Variants in CSMD1 observed in about 807,000 individuals in gnomAD.
CSMD1 encodes the protein CUB and Sushi multiple domains 1, also known as CUB and sushi domain-containing protein 1.
CSMD1 carries 213 observed loss-of-function variants against 417.5 expected under a neutral mutation model. The ratio of observed to expected loss-of-function variants is 0.51; its 90% CI spans 0.46 to 0.57. The LOEUF is 0.57. CSMD1 is among the 20% of genes least tolerant of loss of function. CSMD1 has a pLI of 0.00. For synonymous variants in CSMD1, 2,862 were observed against 1,736.8 expected (o/e 1.65, Z -16.11); for missense variants, 6,923 against 4,529.7 (o/e 1.53, Z -15.17).
chr8:3,487,742 G>A (rs1467353955), intron 11 of CSMD1, among the ~76,000 whole-genome samples: 2 of 152,110 alleles, frequency 1.3e-5, no homozygotes, highest in Non-Finnish European at 2.9e-5. Flanking sequence ...AGCTGTGAAT[G>A]TTTTTAAGAG....
chr8:3,367,271 GAGAGAGAGAC>G, intron 19 of CSMD1, 24 bp from the exon 20 acceptor site: 2 of 1,554,286 alleles, frequency 1.3e-6, no homozygotes, highest in Non-Finnish European at 1.8e-6. Context: ...CCGGGGGAGA[GAGAGAGAGAC>G]AGAGAGAGAC....
At chr8:4,772,519 G>C (rs553320340) in intron 1 of CSMD1, among the ~76,000 whole-genome samples, 1 of 152,126 alleles carries the variant, frequency 6.6e-6, no homozygotes, top group African/African-American at 2.4e-5. Context: ...TGGTATTACA[G>C]CATGGATATT....
chr8:3,241,076 C>T (rs550865136), intron 26 of CSMD1, among the ~76,000 whole-genome samples: 4 of 149,964 alleles, frequency 2.7e-5, no homozygotes, highest in Non-Finnish European at 5.9e-5. Flanking sequence ...TGAGGGGATA[C>T]AAGAGGAGGA....
intron 1 of CSMD1, among the ~76,000 whole-genome samples, chr8:4,906,576 CT>C (rs10626735): frequency 4.6e-5 from 7 of 151,058 alleles, no homozygotes; most frequent in East Asian, 1.9e-4. Flanking sequence ...TTTTGAGTTG[CT>C]TTTTTTTCCC....
chr8:3,594,249 T>G (rs1563182802), intron 8 of CSMD1, among the ~76,000 whole-genome samples: 1 of 152,132 alleles, frequency 6.6e-6, no homozygotes, highest in Non-Finnish European at 1.5e-5. Context: ...GAGCTGCTAG[T>G]GTAAGAGATA....
chr8:4,276,853 C>T (rs1231872394), intron 3 of CSMD1, among the ~76,000 whole-genome samples: 1 of 151,996 alleles, frequency 6.6e-6, no homozygotes, highest in Admixed American at 6.6e-5. Context: ...GTTCAATTTC[C>T]TTAATCAGAA....
chr8:4,920,922 AAAAG>A lies in CSMD1; in HGVS notation c.85+73406_85+73409del, dbSNP rs1235816844. The stretch of plus-strand genomic sequence containing the variant: ...AAAAGAAAAGAAAAGAAAAGAAAAG[AAAAG>A]AAAGAGAGAAAGAAAGAAAGAAAGA... On this transcript the variant is annotated intron_variant, in intron 1 of 69. Transcript: ENST00000635120. 9.2e-4 allele frequency among the ~76,000 whole-genome samples: 55 copies of A among 59,488 alleles called. 6 individuals carry two copies. The highest frequency in any genetic ancestry group is 9.0e-4 in the Non-Finnish European group (20 of 22,254). 39.0% of individuals were successfully genotyped at this position (59,488 alleles called of 152,430 possible). A position where few individuals can be genotyped will look rare whatever the true frequency, so the allele number is the denominator to read the frequency against.
At chr8:3,145,170 T>G (rs1021337094) in intron 40 of CSMD1, among the ~76,000 whole-genome samples, 4 of 151,956 alleles carry the variant, frequency 2.6e-5, no homozygotes, top group African/African-American at 4.8e-5. Flanking sequence ...TTAATCCCAA[T>G]CAGGCGGAAT....
intron 1 of CSMD1, among the ~76,000 whole-genome samples, chr8:4,959,435 G>T (rs977943862): frequency 6.6e-6 from 1 of 152,340 alleles, no homozygotes; most frequent in South Asian, 2.1e-4. Context: ...AAAGCAACTA[G>T]TTGGGTAGCC....
chr8:4,922,594 C>A (rs75569472), intron 1 of CSMD1, among the ~76,000 whole-genome samples: 3 of 152,132 alleles, frequency 2.0e-5, no homozygotes, highest in East Asian at 1.9e-4. Context: ...CTATTGATAG[C>A]GCTCATGAGA....
At chr8:3,895,840 G>A (rs900652527) in intron 5 of CSMD1, among the ~76,000 whole-genome samples, 2 of 152,122 alleles carry the variant, frequency 1.3e-5, no homozygotes, top group Admixed American at 1.3e-4. Flanking sequence ...GACCTGGCTT[G>A]TTCCCTTCCA....
chr8:3,947,146 G>T (rs1047347598), intron 5 of CSMD1, among the ~76,000 whole-genome samples: 4 of 152,136 alleles, frequency 2.6e-5, no homozygotes, highest in African/African-American at 7.2e-5. Context: ...CATTAAGTAA[G>T]AAATTAGTTA....
chr8:4,706,086 CAT>C (rs1338676953), intron 1 of CSMD1, among the ~76,000 whole-genome samples: 1 of 150,124 alleles, frequency 6.7e-6, no homozygotes, highest in African/African-American at 2.4e-5. Context: ...AAAATTTTAA[CAT>C]ATAATATATA....
chr8:4,430,168 C>T (rs547762102), intron 2 of CSMD1, among the ~76,000 whole-genome samples: 1 of 152,316 alleles, frequency 6.6e-6, no homozygotes, highest in Admixed American at 6.5e-5. Flanking sequence ...ATCTATCCTA[C>T]GTGTGCTTTC....
chr8:3,789,980 C>T (rs1022546191), intron 5 of CSMD1, among the ~76,000 whole-genome samples: 1 of 152,098 alleles, frequency 6.6e-6, no homozygotes, highest in African/African-American at 2.4e-5. Context: ...ATCCGCCCAC[C>T]TCGGCCTCCC....
At chr8:4,256,667 G>A (rs1803475399) in intron 3 of CSMD1, among the ~76,000 whole-genome samples, 1 of 152,126 alleles carries the variant, frequency 6.6e-6, no homozygotes, top group Admixed American at 6.5e-5. Context: ...TGGCTAATGT[G>A]ACTGCAGGAA....
intron 3 of CSMD1, among the ~76,000 whole-genome samples, chr8:4,310,529 C>CTTTG (rs10622522): frequency 0.63 from 95,462 of 151,820 alleles, 31,065 homozygotes; most frequent in East Asian, 0.86. Context: ...AATAAAATAT[C>CTTTG]TTTGGACACA....
intron 3 of CSMD1, among the ~76,000 whole-genome samples, chr8:4,110,132 G>A (rs1055701509): frequency 2.0e-5 from 3 of 152,032 alleles, no homozygotes; most frequent in African/African-American, 7.2e-5. Flanking sequence ...AAGTGTCTTA[G>A]AATAATAAGG....
chr8:4,221,595 A>C (rs1336211524), intron 3 of CSMD1, among the ~76,000 whole-genome samples: 3 of 151,726 alleles, frequency 2.0e-5, no homozygotes, highest in Non-Finnish European at 2.9e-5. Flanking sequence ...ACAGTGCTCC[A>C]AAAAAAAGAC....
Sources: allele counts gnomAD v4.1 joint callset (sites outside exome capture counted in the v4.1 genomes callset), GRCh38; gene constraint gnomAD v4.1.1; transcripts MANE v1.5; gene names NCBI Gene and HGNC (gene_info 2026-07-23, HGNC 2026-07-21).